ORC3: variants seen among roughly 807,000 people sequenced by gnomAD.
ORC3 encodes origin recognition complex subunit 3, also known as homolog of latheo, Drosophila.
Under a neutral mutation model 100.7 loss-of-function variants are expected in ORC3, and 78 were observed. That is an observed-to-expected ratio of 0.77 (90% CI 0.65 to 0.94). The LOEUF is 0.94. ORC3 is among the 40% of genes least tolerant of loss of function. ORC3 has a pLI of 0.00. For missense variants in ORC3, 789 were observed against 823.9 expected (o/e 0.96, Z 0.52); for synonymous variants, 295 against 289.3 (o/e 1.02, Z -0.20).
intron 13 of ORC3, among the ~76,000 whole-genome samples, chr6:87,647,503 A>G (rs986017004): frequency 1.3e-5 from 2 of 152,106 alleles, no homozygotes; most frequent in African/African-American, 4.8e-5. Flanking sequence ...TCCTCCTCCC[A>G]TGGCTCTCCG....
intron 13 of ORC3, among the ~76,000 whole-genome samples, chr6:87,644,005 C>A (rs1768500105): frequency 6.6e-6 from 1 of 151,394 alleles, no homozygotes; most frequent in African/African-American, 2.4e-5. Flanking sequence ...TTCTCCTACC[C>A]CCCAAAATAT....
chr6:87,641,108 C>CAAAA (rs962295895), intron 13 of ORC3, among the ~76,000 whole-genome samples: 1 of 127,824 alleles, frequency 7.8e-6, no homozygotes. Flanking sequence ...GACTCCATCT[C>CAAAA]AAAAAAAAAA....
intron 11 of ORC3, among the ~76,000 whole-genome samples, chr6:87,629,090 G>C (rs972733691): frequency 6.6e-6 from 1 of 152,232 alleles, no homozygotes; most frequent in Non-Finnish European, 1.5e-5. Flanking sequence ...AGAAAGCTGT[G>C]GTTTGGCATT....
chr6:87,628,281 A>G (rs1780069425), intron 11 of ORC3, among the ~76,000 whole-genome samples: 2 of 152,182 alleles, frequency 1.3e-5, no homozygotes, highest in Admixed American at 6.5e-5. Context: ...GCACACATTT[A>G]CCTAAGTAAG....
intron 16 of ORC3, 54 bp downstream of exon 16, chr6:87,658,072 A>G: frequency 1.1e-6 from 1 of 937,882 alleles, no homozygotes; most frequent in Non-Finnish European, 1.7e-6. Context: ...TTTCCAAATA[A>G]CACTGGTGTC....
intron 17 of ORC3, among the ~76,000 whole-genome samples, chr6:87,663,827 A>T (rs1770390973): frequency 6.6e-6 from 1 of 152,244 alleles, no homozygotes; most frequent in South Asian, 2.1e-4. Flanking sequence ...TACATGAAAG[A>T]GTGGTAAGTT....
intron 13 of ORC3, among the ~76,000 whole-genome samples, chr6:87,644,501 G>T (rs546284538): frequency 8.1e-4 from 123 of 152,052 alleles, no homozygotes; most frequent in Non-Finnish European, 1.5e-3. Flanking sequence ...GAGTTCAGGA[G>T]ACCAGCCTGG....
the ORC3 span, chr6:87,675,663 T>C: frequency 4.4e-6 from 7 of 1,601,218 alleles, no homozygotes; most frequent in East Asian, 6.8e-5. Flanking sequence ...TCCAAACGAA[T>C]ACTAGATCTT....
chr6:87,630,745 A>G lies in ORC3; in HGVS notation c.1186-4100A>G, dbSNP rs180852686. ...AGGTAAATTTTGAGTAAAGACCTAA[A>G]GGAAGTCACAGAGCTTGCCACTCAA... is the stretch of plus-strand genomic sequence containing the variant. On this transcript the variant is annotated intron_variant, in intron 11 of 19. Transcript: ENST00000392844. Among the ~76,000 whole-genome samples the G allele has an allele frequency of 2.8e-3, 432 of 152,330 alleles. 2 individuals are homozygous for G. Among genetic ancestry groups the G allele is most frequent in the Non-Finnish European group, 4.7e-3 (321 of 68,018 alleles).
chr6:87,654,070 G>T (rs1769481057), intron 14 of ORC3, among the ~76,000 whole-genome samples: 1 of 152,088 alleles, frequency 6.6e-6, no homozygotes, highest in South Asian at 2.1e-4. Flanking sequence ...ATGGAGTTTT[G>T]GGGGAACAGG....
At chr6:87,591,495 G>A (rs1380355708) in intron 1 of ORC3, among the ~76,000 whole-genome samples, 2 of 152,162 alleles carry the variant, frequency 1.3e-5, no homozygotes, top group Non-Finnish European at 2.9e-5. Context: ...TATTAGAAAT[G>A]GTACTGGTTT....
chr6:87,623,311 A>G (rs1247732821), intron 11 of ORC3, among the ~76,000 whole-genome samples: 1 of 152,208 alleles, frequency 6.6e-6, no homozygotes, highest in African/African-American at 2.4e-5. Flanking sequence ...TAATCTCTGT[A>G]ATGCCTTCAG....
At chr6:87,646,629 C>A (rs1768812409) in intron 13 of ORC3, among the ~76,000 whole-genome samples, 3 of 152,188 alleles carry the variant, frequency 2.0e-5, no homozygotes, top group Admixed American at 2.0e-4. Flanking sequence ...AACCTGTTAT[C>A]AGCATTTGAC....
chr6:87,634,503 T>A (rs1767663736), intron 11 of ORC3, among the ~76,000 whole-genome samples: 1 of 152,244 alleles, frequency 6.6e-6, no homozygotes, highest in Non-Finnish European at 1.5e-5. Context: ...TCCCTTGCTG[T>A]GGCACACACC....
intron 8 of ORC3, among the ~76,000 whole-genome samples, chr6:87,615,361 A>G (rs969457914): frequency 6.6e-6 from 1 of 152,190 alleles, no homozygotes; most frequent in African/African-American, 2.4e-5. Context: ...GACCTTCCCC[A>G]AATTGCTTCT....
Position 87,663,038 on chromosome 6 carries a change from A to C in ORC3, c.1727A>C (p.His576Pro), listed in dbSNP as rs767350523. ...CTGCCTCCTGAGACACAGCCTCTCC[A>C]TGAGGTGGTGTACTTCAGTGCTGCC... is the stretch of plus-strand genomic sequence containing the variant. The part of the protein sequence containing the change: ...YLLPPETQPL[H>P]EVVYFSAAHA... Residue 576 changes from histidine to proline, a missense_variant, in exon 17 of 20, where the codon CAT (histidine) becomes CCT (proline). This residue lies in a region of ORC3 where 366 missense variants were observed against 394.2 expected (regional missense o/e 0.93). Coordinates refer to ENST00000392844, the MANE Select transcript of ORC3 (RefSeq NM_012381.4). 6.2e-7 allele frequency: 1 copy of C among 1,611,680 alleles called. No homozygotes were observed. Among genetic ancestry groups the C allele is most frequent in the South Asian group, 1.1e-5 (1 of 90,886 alleles).
chr6:87,595,507 A>G (rs1049109954), intron 2 of ORC3: 16 of 152,174 alleles, frequency 1.1e-4, no homozygotes, highest in African/African-American at 3.9e-4. Flanking sequence ...GGGAAGGGAA[A>G]AAGCTGAGAA....
intron 16 of ORC3, among the ~76,000 whole-genome samples, chr6:87,659,270 G>T (rs1244390539): frequency 2.6e-5 from 4 of 151,660 alleles, no homozygotes; most frequent in South Asian, 4.2e-4. Flanking sequence ...CACCATGTTG[G>T]TCAGGCTGGT....
At chr6:87,602,943 TACACATATATA>T (rs1778035662) in intron 3 of ORC3, among the ~76,000 whole-genome samples, 5 of 130,540 alleles carry the variant, frequency 3.8e-5, no homozygotes, top group Admixed American at 8.2e-5. Context: ...TATATATATA[TACACATATATA>T]ATATATATAT....
Sources: gnomAD v4.1 joint callset for allele counts (sites outside exome capture counted in the v4.1 genomes callset) on GRCh38, gnomAD v4.1.1 for gene constraint, gnomAD v4.1.1 regional missense constraint, MANE v1.5 for transcripts, NCBI Gene and HGNC (gene_info 2026-07-23, HGNC 2026-07-21) for gene names.